AGAP1: variants seen among roughly 807,000 people sequenced by gnomAD.
The protein encoded by AGAP1 is arf-GAP with GTPase, ANK repeat and PH domain-containing protein 1.
In AGAP1, 29 loss-of-function variants were observed where a neutral mutation model predicts 105.3. That is an observed-to-expected ratio of 0.28 (90% CI 0.21 to 0.38). The LOEUF (loss-of-function observed/expected upper bound fraction) is 0.38. Ranked by LOEUF, AGAP1 falls within the 10% of genes least tolerant of loss-of-function variation. AGAP1 has a pLI of 1.00. For missense variants in AGAP1, 998 were observed against 1,165.1 expected, an observed-to-expected ratio of 0.86 and a Z score of 2.09; for synonymous variants, 509 against 485.9, an observed-to-expected ratio of 1.05 and a Z score of -0.63.
chr2:235,869,164 G>A (rs2049317463), intron 9 of AGAP1, among the ~76,000 whole-genome samples: 2 of 152,158 alleles, frequency 1.3e-5, no homozygotes, highest in South Asian at 2.1e-4. Flanking sequence ...CAGGGAGGCA[G>A]CATAGCAGCG....
chr2:235,705,002 A>G lies in AGAP1; in HGVS notation c.164-4177A>G, dbSNP rs1338518647. On this transcript the variant is annotated intron_variant, in intron 1 of 17. Coordinates refer to ENST00000304032, the MANE Select transcript of AGAP1 (RefSeq NM_001037131.3). This position sits in a 1 kb window ranked among gnomAD's most constrained non-coding sequence, Gnocchi z 4.9. ...TTTTTTTTTTTTTTTTTTTTGCGAC[A>G]GAGTCTCACTCTGTTGCCCAGGCTG... 7.4e-5 allele frequency among the ~76,000 whole-genome samples: 8 copies of G among 108,294 alleles called. No individual in the cohort carries two copies. Among genetic ancestry groups the G allele is most frequent in the Non-Finnish European group, 1.2e-4 (7 of 57,860 alleles). 71.0% of individuals were successfully genotyped at this position (108,294 alleles called of 152,430 possible). A position where few individuals can be genotyped will look rare whatever the true frequency, so the allele number is the denominator to read the frequency against.
chr2:236,053,691 A>G lies in AGAP1; in HGVS notation c.2114+4410A>G, dbSNP rs2057973861. The stretch of plus-strand genomic sequence containing the variant: ...CAAGGCCCTGCAGGGACTCGCTGCT[A>G]TTTGCATTTCAGTGCAGGTAGCCTG... On this transcript the variant is annotated intron_variant, in intron 16 of 17. Transcript: ENST00000304032. This position sits in a 1 kb window ranked among gnomAD's most constrained non-coding sequence, Gnocchi z 4.6. Among the ~76,000 whole-genome samples the G allele has an allele frequency of 6.6e-6, 1 of 152,180 alleles. No individual in the cohort carries two copies. Among genetic ancestry groups the G allele is most frequent in the Admixed American group, 6.5e-5 (1 of 15,280 alleles).
intron 1 of AGAP1, among the ~76,000 whole-genome samples, chr2:235,696,335 G>A (rs943409865): frequency 1.3e-5 from 2 of 152,274 alleles, no homozygotes; most frequent in Admixed American, 1.3e-4. Flanking sequence ...CGTGAGCCAC[G>A]GCCCCCAGCC....
chr2:235,937,626 A>G (rs78891404), intron 12 of AGAP1, among the ~76,000 whole-genome samples: 3,103 of 152,356 alleles, frequency 0.02, 121 homozygotes, highest in African/African-American at 0.07. Flanking sequence ...TAGTTGCTGT[A>G]GTGCCCGGAC....
rs964761656 is a variant in AGAP1 at position 235,552,939 on chromosome 2, A to G, written c.163+58090A>G. Among the ~76,000 whole-genome samples, 6 of 152,212 alleles carry G rather than the reference A, an allele frequency of 3.9e-5. No homozygotes were observed. The highest frequency in any genetic ancestry group is 1.3e-4 in the Admixed American group (2 of 15,286). On this transcript the variant is annotated intron_variant, in intron 1 of 17. Transcript: ENST00000304032. This position sits in a 1 kb window ranked among gnomAD's most constrained non-coding sequence, Gnocchi z 5.9. ...CTTGGTCGTAACTTCTCACACACAT[A>G]CATCCACACATGTGCATCTGATTGT...
At chr2:236,041,844 G>A (rs1182738234) in intron 15 of AGAP1, among the ~76,000 whole-genome samples, 3 of 152,164 alleles carry the variant, frequency 2.0e-5, no homozygotes, top group Non-Finnish European at 4.4e-5. Flanking sequence ...GGGGGCATGC[G>A]GCGGTCTTGC....
Position 235,958,477 on chromosome 2 carries a change from G to A in AGAP1, c.1484-9985G>A, listed in dbSNP as rs932073541. Reference sequence around the variant, plus strand: ...GAGGGATATGAGAATCACAAGCACAGAGACTCATCTCTTGAATATCACCCG... The same window carrying A: ...GAGGGATATGAGAATCACAAGCACAAAGACTCATCTCTTGAATATCACCCG... On this transcript the variant is annotated intron_variant, in intron 12 of 17. Coordinates refer to ENST00000304032, the MANE Select transcript of AGAP1 (RefSeq NM_001037131.3). The surrounding 1 kb of genome is among the most constrained non-coding windows in gnomAD (Gnocchi z 4.1). 6.6e-6 allele frequency among the ~76,000 whole-genome samples: 1 copy of A among 152,104 alleles called. No individual in the cohort carries two copies. The highest frequency in any genetic ancestry group is 2.4e-5 in the African/African-American group (1 of 41,410).
At position 235,864,482 on chromosome 2, in the gene AGAP1, G is replaced by A. The variant is rs770485814; in HGVS notation, c.1051-18863G>A. ...CGGTCTGGGTGGGAGGAGGAGGTGG[G>A]CGGCCGGAAGGTGGTTGAGCGTTTC... On this transcript the variant is annotated intron_variant, in intron 9 of 17. Coordinates refer to ENST00000304032, the MANE Select transcript of AGAP1 (RefSeq NM_001037131.3). This position sits in a 1 kb window ranked among gnomAD's most constrained non-coding sequence, Gnocchi z 5.0. Among the ~76,000 whole-genome samples the A allele has an allele frequency of 1.3e-5, 2 of 152,194 alleles. No individual in the cohort carries two copies. The highest frequency in any genetic ancestry group is 2.9e-5 in the Non-Finnish European group (2 of 68,040).
At chr2:235,542,222 G>GA (rs71064855) in intron 1 of AGAP1, among the ~76,000 whole-genome samples, 1,693 of 151,508 alleles carry the variant, frequency 0.011, 14 homozygotes, top group Middle Eastern at 0.044. Flanking sequence ...GGTCCCGGGG[G>GA]GGGGCCAGTT....
chr2:235,730,148 T>C (rs928171440), intron 3 of AGAP1, among the ~76,000 whole-genome samples: 1 of 152,132 alleles, frequency 6.6e-6, no homozygotes, highest in Non-Finnish European at 1.5e-5. Context: ...ACTTCCTGAA[T>C]TGCATATTGA....
At chr2:235,795,166 C>CAAAA (rs1559497509) in intron 6 of AGAP1, among the ~76,000 whole-genome samples, 11 of 152,242 alleles carry the variant, frequency 7.2e-5, no homozygotes, top group African/African-American at 2.6e-4. Flanking sequence ...CAAGCTTTTC[C>CAAAA]CTCTAGGAGA....
chr2:235,913,734 T>C (rs2051737848), intron 11 of AGAP1, among the ~76,000 whole-genome samples: 1 of 152,202 alleles, frequency 6.6e-6, no homozygotes, highest in Non-Finnish European at 1.5e-5. Context: ...CTTCTCCTCC[T>C]TGATAAAAAT....
chr2:235,519,848 T>C (rs1942549252), intron 1 of AGAP1, among the ~76,000 whole-genome samples: 2 of 152,116 alleles, frequency 1.3e-5, no homozygotes, highest in African/African-American at 4.8e-5. Flanking sequence ...AATGGCATGA[T>C]CTCAGTTCAC....
rs376968863 is a variant in AGAP1 at position 236,053,070 on chromosome 2, C to T, written c.2114+3789C>T. On this transcript the variant is annotated intron_variant, in intron 16 of 17. Coordinates refer to ENST00000304032, the MANE Select transcript of AGAP1 (RefSeq NM_001037131.3). This position sits in a 1 kb window ranked among gnomAD's most constrained non-coding sequence, Gnocchi z 4.6. Reference sequence around the variant, plus strand: ...GCGTGTGTGCGGTACCATAACGTAGCGTGTTGTAGGGCGTCGAGCAGCTGG... The same window carrying T: ...GCGTGTGTGCGGTACCATAACGTAGTGTGTTGTAGGGCGTCGAGCAGCTGG... Among the ~76,000 whole-genome samples, 2 of 152,116 alleles carry T rather than the reference C, an allele frequency of 1.3e-5. No homozygotes were observed. The highest frequency in any genetic ancestry group is 1.9e-4 in the East Asian group (1 of 5,164).
At chr2:236,010,517 C>T (rs1189779356) in intron 13 of AGAP1, among the ~76,000 whole-genome samples, 1 of 152,186 alleles carries the variant, frequency 6.6e-6, no homozygotes, top group Non-Finnish European at 1.5e-5. Context: ...TGTTTGTGCA[C>T]CACATGAGAC....
intron 9 of AGAP1, among the ~76,000 whole-genome samples, chr2:235,818,325 T>A (rs2106266238): frequency 6.6e-6 from 1 of 152,362 alleles, no homozygotes; most frequent in African/African-American, 2.4e-5. Flanking sequence ...TAGCTCCACG[T>A]GAGTGGAAGA....
At chr2:235,780,320 T>C (rs947500050) in intron 6 of AGAP1, among the ~76,000 whole-genome samples, 4 of 152,204 alleles carry the variant, frequency 2.6e-5, no homozygotes, top group African/African-American at 9.6e-5. Context: ...TATATATATA[T>C]GTATTTCCAC....
At position 235,517,820 on chromosome 2, in the gene AGAP1, C is replaced by G. The variant is rs1418060900; in HGVS notation, c.163+22971C>G. 6.6e-6 allele frequency among the ~76,000 whole-genome samples: 1 copy of G among 151,446 alleles called. No individual in the cohort carries two copies. The highest frequency in any genetic ancestry group is 1.5e-5 in the Non-Finnish European group (1 of 67,888). ...GACATGGTGGCGTGTGCCTGTAACC[C>G]CAGCTACACGGGAGGCTGAGGCAGG... is the stretch of plus-strand genomic sequence containing the variant. On this transcript the variant is annotated intron_variant, in intron 1 of 17. Coordinates refer to ENST00000304032, the MANE Select transcript of AGAP1 (RefSeq NM_001037131.3). This position sits in a 1 kb window ranked among gnomAD's most constrained non-coding sequence, Gnocchi z 4.1.
chr2:235,917,112 C>T (rs905324191), intron 11 of AGAP1, among the ~76,000 whole-genome samples: 10 of 152,124 alleles, frequency 6.6e-5, no homozygotes, highest in African/African-American at 2.4e-4. Context: ...TTATCCTAAC[C>T]AGATTGATGC....
Sources: allele counts gnomAD v4.1 joint callset (sites outside exome capture counted in the v4.1 genomes callset), GRCh38; gene constraint gnomAD v4.1.1; non-coding constraint Gnocchi (gnomAD v3.1); transcripts MANE v1.5; gene names NCBI Gene and HGNC (gene_info 2026-07-23, HGNC 2026-07-21).